Variants in CELF2 observed in about 807,000 individuals in gnomAD.
The protein encoded by CELF2 is CUGBP Elav-like family member 2.
A neutral mutation model predicts 62.6 loss-of-function variants in CELF2; 8 were observed. The ratio of observed to expected loss-of-function variants is 0.13; its 90% CI spans 0.07 to 0.23. The LOEUF (loss-of-function observed/expected upper bound fraction) is 0.23, where lower values mean the gene tolerates loss of function less well. Among genes scored for constraint, CELF2 ranks in the 10% least tolerant of loss-of-function variants. CELF2 has a pLI of 1.00. For synonymous variants in CELF2, 258 were observed against 250.0 expected (o/e 1.03, Z -0.30); for missense variants, 333 against 671.0 (o/e 0.50, Z 5.56).
chr10:11,090,206 A>C lies in CELF2; in HGVS notation c.74+72043A>C, dbSNP rs372063656. ...ATTTGGGGAAAAAAAAAAAAAAAGT[A>C]GGCCTAGGGAGCACCTTGAATGCTA... On this transcript the variant is annotated intron_variant, in intron 1 of 12. Coordinates refer to ENST00000633077, the MANE Select transcript of CELF2 (RefSeq NM_001326342.2). Among the ~76,000 whole-genome samples, 4 of 151,940 alleles carry C rather than the reference A, an allele frequency of 2.6e-5. No individual in the cohort carries two copies. In the East Asian group the frequency reaches 5.8e-4, roughly 22 times the overall value.
At chr10:10,547,940 T>C in the CELF2 span, among the ~76,000 whole-genome samples, 3 of 152,188 alleles carry the variant, frequency 2.0e-5, no homozygotes, top group African/African-American at 7.2e-5. Flanking sequence ...AACACCATCA[T>C]GTCATGTGGA....
chr10:10,708,570 A>G, the CELF2 span, among the ~76,000 whole-genome samples: 1 of 152,204 alleles, frequency 6.6e-6, no homozygotes, highest in African/African-American at 2.4e-5. Context: ...ACAGTGCTTC[A>G]TGATAAGAAA....
chr10:10,756,308 A>C, the CELF2 span, among the ~76,000 whole-genome samples: 1 of 152,224 alleles, frequency 6.6e-6, no homozygotes, highest in African/African-American at 2.4e-5. Flanking sequence ...AAGAAAATTT[A>C]TCTTGCTGAT....
the CELF2 span, among the ~76,000 whole-genome samples, chr10:10,728,146 G>GA: frequency 3.3e-5 from 5 of 150,806 alleles, no homozygotes; most frequent in Non-Finnish European, 4.4e-5. Context: ...ATGGAGTAGA[G>GA]AAAAAAAATG....
At chr10:10,651,521 T>A in the CELF2 span, among the ~76,000 whole-genome samples, 1 of 121,822 alleles carries the variant, frequency 8.2e-6, no homozygotes, top group Non-Finnish European at 1.8e-5. Context: ...CAGCTGGAGA[T>A]CTGAGAACCA....
At chr10:10,704,911 G>A in the CELF2 span, among the ~76,000 whole-genome samples, 1 of 148,134 alleles carries the variant, frequency 6.8e-6, no homozygotes, top group East Asian at 2.0e-4. Context: ...TTTTTTTTCT[G>A]GGCATGGTGG....
At chr10:10,973,360 C>T (rs748070669) in intron 2 of CELF2, among the ~76,000 whole-genome samples, 14 of 152,068 alleles carry the variant, frequency 9.2e-5, no homozygotes, top group Non-Finnish European at 1.9e-4. Context: ...GGTCCCAGCA[C>T]CCCACGCCTG....
At chr10:11,021,455 G>A (rs1306866973) in intron 1 of CELF2, among the ~76,000 whole-genome samples, 1 of 152,134 alleles carries the variant, frequency 6.6e-6, no homozygotes, top group African/African-American at 2.4e-5. Flanking sequence ...CATTGTTAAA[G>A]CTGAAAAGGG....
chr10:10,770,639 C>T, the CELF2 span, among the ~76,000 whole-genome samples: 19 of 152,142 alleles, frequency 1.2e-4, no homozygotes, highest in Admixed American at 2.6e-4. Context: ...GCACAGAGCC[C>T]CCACTGCAAT....
At chr10:10,953,322 A>G (rs1349781213) in intron 2 of CELF2, among the ~76,000 whole-genome samples, 2 of 152,234 alleles carry the variant, frequency 1.3e-5, no homozygotes, top group Admixed American at 1.3e-4. Flanking sequence ...TATAATTTTT[A>G]GCTCAATTCA....
At chr10:10,711,218 C>A in the CELF2 span, among the ~76,000 whole-genome samples, 1 of 152,070 alleles carries the variant, frequency 6.6e-6, no homozygotes, top group East Asian at 1.9e-4. Context: ...TAAAAGATAG[C>A]CAATCATGTG....
chr10:10,801,731 T>C (rs146350430), intron 1 of CELF2, among the ~76,000 whole-genome samples: 3 of 152,232 alleles, frequency 2.0e-5, no homozygotes, highest in Non-Finnish European at 4.4e-5. Flanking sequence ...AAGATCCTCA[T>C]GTGTTTGGTC....
intron 1 of CELF2, among the ~76,000 whole-genome samples, chr10:10,851,754 A>G (rs1177605915): frequency 6.6e-6 from 1 of 152,230 alleles, no homozygotes; most frequent in Non-Finnish European, 1.5e-5. Context: ...ACTCAATAAG[A>G]GGAAAGCAAA....
chr10:11,134,332 A>G (rs2060076579), intron 1 of CELF2, among the ~76,000 whole-genome samples: 1 of 152,216 alleles, frequency 6.6e-6, no homozygotes, highest in African/African-American at 2.4e-5. Flanking sequence ...GTAGTTGCGC[A>G]TCTTCACAGT....
chr10:10,866,951 T>C (rs763489199), intron 1 of CELF2, among the ~76,000 whole-genome samples: 1 of 143,676 alleles, frequency 7.0e-6, no homozygotes, highest in Non-Finnish European at 1.5e-5. Flanking sequence ...TGGGGTGAAA[T>C]ACTCTTCTTT....
chr10:11,251,248 C>A (rs1455866342), intron 4 of CELF2, among the ~76,000 whole-genome samples: 1 of 149,344 alleles, frequency 6.7e-6, no homozygotes, highest in Non-Finnish European at 1.5e-5. Context: ...CCTGAAATAT[C>A]CCAGTACTGA....
At chr10:11,284,079 T>G (rs111171593) in intron 8 of CELF2, among the ~76,000 whole-genome samples, 1,152 of 31,100 alleles carry the variant, frequency 0.037, no homozygotes, top group Admixed American at 0.047. Context: ...GGGTGGATGA[T>G]GGATGGAGGA....
the CELF2 span, among the ~76,000 whole-genome samples, chr10:10,684,761 A>C: frequency 1.3e-5 from 2 of 152,164 alleles, no homozygotes; most frequent in African/African-American, 2.4e-5. Flanking sequence ...ACAACAAAAA[A>C]TTGCAACAAG....
At chr10:11,096,166 G>A (rs1452590676) in intron 1 of CELF2, 1 of 152,174 alleles carries the variant, frequency 6.6e-6, no homozygotes, top group Non-Finnish European at 1.5e-5. Flanking sequence ...AACAACTAAA[G>A]CTTAAATAAT....
Sources: allele counts gnomAD v4.1 joint callset (sites outside exome capture counted in the v4.1 genomes callset), GRCh38; gene constraint gnomAD v4.1.1; transcripts MANE v1.5; gene names NCBI Gene and HGNC (gene_info 2026-07-23, HGNC 2026-07-21).